The following GPHN variants were observed in gnomAD, a reference collection of about 807,000 sequenced individuals.
GPHN encodes gephyrin.
Under a neutral mutation model 95.5 loss-of-function variants are expected in GPHN, and 17 were observed. The ratio of observed to expected loss-of-function variants is 0.18; its 90% confidence interval spans 0.12 to 0.27. GPHN has a LOEUF of 0.27. GPHN is among the 10% of genes least tolerant of loss of function. GPHN has a pLI of 1.00. For synonymous variants in GPHN, 320 were observed against 322.5 expected (o/e 0.99, Z 0.08); for missense variants, 660 against 978.1 (o/e 0.67, Z 4.34).
At chr14:66,904,909 G>T (rs1240696162) in intron 5 of GPHN, among the ~76,000 whole-genome samples, 1 of 151,930 alleles carries the variant, frequency 6.6e-6, no homozygotes, top group Non-Finnish European at 1.5e-5. Flanking sequence ...GTCTTATTTG[G>T]GTCCTATCCA....
chr14:66,575,113 C>A (rs764211058), intron 1 of GPHN, among the ~76,000 whole-genome samples: 4 of 152,162 alleles, frequency 2.6e-5, no homozygotes, highest in Non-Finnish European at 5.9e-5. Flanking sequence ...TACAGTGAGT[C>A]TGGTAATTAC....
the GPHN span, among the ~76,000 whole-genome samples, chr14:67,316,240 C>A: frequency 6.6e-6 from 1 of 152,118 alleles, no homozygotes. Context: ...CCTTGAAAGC[C>A]TCCTATATTA....
intron 8 of GPHN, among the ~76,000 whole-genome samples, chr14:66,932,468 T>TTTTG (rs2066875419): frequency 4.4e-5 from 6 of 137,098 alleles, no homozygotes; most frequent in Non-Finnish European, 9.4e-5. Context: ...TTTTTTTTTT[T>TTTTG]TTTTTTTTTT....
chr14:67,690,018 A>C, the GPHN span: 2 of 569,518 alleles, frequency 3.5e-6, no homozygotes, highest in South Asian at 4.1e-5. Context: ...CTTCAGACTC[A>C]AAGTCAGAGT....
the GPHN span, among the ~76,000 whole-genome samples, chr14:67,497,649 G>A: frequency 5.3e-5 from 8 of 152,158 alleles, no homozygotes; most frequent in African/African-American, 9.7e-5. Flanking sequence ...GTTTTTGCAC[G>A]ATTTTAACAC....
intron 2 of GPHN, among the ~76,000 whole-genome samples, chr14:66,695,157 T>C (rs2068032593): frequency 1.3e-5 from 2 of 151,812 alleles, no homozygotes; most frequent in South Asian, 4.2e-4. Context: ...CAAGACTCTG[T>C]CTTAAAAAAA....
chr14:67,725,938 T>C, the GPHN span: 1 of 803,536 alleles, frequency 1.2e-6, no homozygotes, highest in African/African-American at 1.7e-5. Flanking sequence ...ATCAAAATGT[T>C]ACCCCAACAA....
chr14:67,237,105 A>ATT, the GPHN span, among the ~76,000 whole-genome samples: 2 of 151,608 alleles, frequency 1.3e-5, no homozygotes, highest in Non-Finnish European at 2.9e-5. Flanking sequence ...ACGAAAATAT[A>ATT]TTATATATAT....
intron 1 of GPHN, among the ~76,000 whole-genome samples, chr14:66,544,583 T>C (rs1296494697): frequency 6.6e-6 from 1 of 151,930 alleles, no homozygotes; most frequent in Non-Finnish European, 1.5e-5. Context: ...TTTTTCTTTT[T>C]TTTTTTTTAA....
At chr14:66,758,081 T>G (rs1219288794) in intron 2 of GPHN, among the ~76,000 whole-genome samples, 2 of 151,916 alleles carry the variant, frequency 1.3e-5, no homozygotes, top group Non-Finnish European at 2.9e-5. Flanking sequence ...AAGGTTAAAG[T>G]GAAGACACCA....
chr14:66,906,105 G>C (rs2065369603), intron 5 of GPHN, among the ~76,000 whole-genome samples: 1 of 151,896 alleles, frequency 6.6e-6, no homozygotes, highest in Non-Finnish European at 1.5e-5. Flanking sequence ...GGGTGAGGGA[G>C]GTGAAACATG....
At chr14:66,682,010 T>G (rs900624616) in intron 2 of GPHN, among the ~76,000 whole-genome samples, 4 of 151,898 alleles carry the variant, frequency 2.6e-5, no homozygotes, top group Non-Finnish European at 5.9e-5. Context: ...CCCACGGGAG[T>G]CACTAATAAG....
chr14:67,527,920 G>A, the GPHN span, among the ~76,000 whole-genome samples: 1 of 152,222 alleles, frequency 6.6e-6, no homozygotes, highest in Admixed American at 6.5e-5. Flanking sequence ...TTGAGGAGGG[G>A]AGGTCAAGGA....
At chr14:67,389,151 A>G in the GPHN span, among the ~76,000 whole-genome samples, 1 of 152,080 alleles carries the variant, frequency 6.6e-6, no homozygotes, top group Non-Finnish European at 1.5e-5. Flanking sequence ...GGAGCCCTTC[A>G]ATTAATCAAT....
At chr14:67,271,982 A>G in the GPHN span, 1 of 151,832 alleles carries the variant, frequency 6.6e-6, no homozygotes, top group Admixed American at 6.6e-5. Context: ...GAGGCAAGAG[A>G]ATCGTTTGAA....
the GPHN span, among the ~76,000 whole-genome samples, chr14:67,330,082 A>G: frequency 6.6e-6 from 1 of 150,542 alleles, no homozygotes; most frequent in Non-Finnish European, 1.5e-5. Flanking sequence ...ATGCCAGACA[A>G]ATGCTCTGCT....
At chr14:66,632,854 C>T (rs780441909) in intron 1 of GPHN, among the ~76,000 whole-genome samples, 11 of 152,110 alleles carry the variant, frequency 7.2e-5, no homozygotes, top group Non-Finnish European at 1.5e-4. Flanking sequence ...GTTTGTTATG[C>T]CATGTATCTG....
At chr14:67,233,111 T>TTTTTATTTTATTTTAGTTTA in the GPHN span, among the ~76,000 whole-genome samples, 1 of 144,396 alleles carries the variant, frequency 6.9e-6, no homozygotes, top group Non-Finnish European at 1.5e-5. Flanking sequence ...CACCAACACA[T>TTTTTATTTTATTTTAGTTTA]TTTTATTTTA....
At chr14:66,917,477 C>A (rs1006228532) in intron 6 of GPHN, among the ~76,000 whole-genome samples, 2 of 152,158 alleles carry the variant, frequency 1.3e-5, no homozygotes, top group African/African-American at 4.8e-5. Context: ...ACTGCATAAC[C>A]TATCCATTCA....
Sources: gnomAD v4.1 joint callset for allele counts (sites outside exome capture counted in the v4.1 genomes callset) on GRCh38, gnomAD v4.1.1 for gene constraint, MANE v1.5 for transcripts, NCBI Gene and HGNC (gene_info 2026-07-23, HGNC 2026-07-21) for gene names.